Variants in ZNF341 observed in about 807,000 individuals in gnomAD.
ZNF341 encodes the protein zinc finger protein 341.
In ZNF341, 52 loss-of-function variants were observed where a neutral mutation model predicts 87.7. That is an observed-to-expected ratio of 0.59 (90% CI 0.47 to 0.75). ZNF341 has a LOEUF of 0.75. Among genes scored for constraint, ZNF341 ranks in the 30% least tolerant of loss-of-function variants. The pLI is 0.00. For synonymous variants in ZNF341, 459 were observed against 472.7 expected (o/e 0.97, Z 0.38); for missense variants, 977 against 1,145.9 (o/e 0.85, Z 2.13).
intron 7 of ZNF341, among the ~76,000 whole-genome samples, chr20:33,759,985 C>T (rs1489430629): frequency 6.6e-6 from 1 of 152,212 alleles, no homozygotes; most frequent in Non-Finnish European, 1.5e-5. Flanking sequence ...GCTAGTAGTA[C>T]TGCAGCTACA....
chr20:33,747,354 G>A (rs958145693), intron 3 of ZNF341, among the ~76,000 whole-genome samples: 3 of 136,362 alleles, frequency 2.2e-5, no homozygotes, highest in Admixed American at 6.9e-5. Flanking sequence ...GGTGGCTCAC[G>A]CCTGTAATCC....
chr20:33,750,121 T>A lies in ZNF341; in HGVS notation c.489+1049T>A, dbSNP rs567655104. 1.3e-4 allele frequency among the ~76,000 whole-genome samples: 20 copies of A among 151,524 alleles called. No homozygotes were observed. The East Asian group carries it at 2.9e-3, about 22-fold the overall frequency. ...AAATGCACAGTAGCTCCCTGGGATT[T>A]AAAAAAAAAATTTTTGTAGAGATGA... On this transcript the variant is annotated intron_variant, in intron 4 of 14. Transcript: ENST00000375200.
At chr20:33,776,912 G>C (rs1274361745) in intron 10 of ZNF341, among the ~76,000 whole-genome samples, 2 of 151,956 alleles carry the variant, frequency 1.3e-5, no homozygotes, top group African/African-American at 4.8e-5. Context: ...CTCCTGCCTG[G>C]CCTTCCCAAA....
At chr20:33,768,117 G>A (rs529729099) in intron 9 of ZNF341, among the ~76,000 whole-genome samples, 16 of 132,188 alleles carry the variant, frequency 1.2e-4, no homozygotes, top group African/African-American at 4.6e-4. Flanking sequence ...AAGGGAACCA[G>A]GATCAAGTGT....
chr20:33,762,165 C>T (rs1186855567), intron 8 of ZNF341, 110 bp downstream of exon 8: 3 of 926,324 alleles, frequency 3.2e-6, no homozygotes, highest in Non-Finnish European at 4.7e-6. Flanking sequence ...CTCTGGGCTT[C>T]AATCTACCTT....
intron 11 of ZNF341, among the ~76,000 whole-genome samples, chr20:33,782,798 C>T (rs2019770597): frequency 6.6e-6 from 1 of 152,218 alleles, no homozygotes; most frequent in African/African-American, 2.4e-5. Context: ...ACATGCCCTT[C>T]TTTTGCCTGG....
Position 33,745,269 on chromosome 20 carries a change from C to T in ZNF341, c.309C>T (p.Val103=), listed in dbSNP as rs764712444. 3 of 1,613,622 alleles carry T rather than the reference C, an allele frequency of 1.9e-6. No homozygotes were observed. The highest frequency in any genetic ancestry group is 2.2e-5 in the East Asian group (1 of 44,862). The change falls in exon 3 of 15, where the codon GTC becomes GTT. Residue 103 remains valine, a synonymous_variant. Coordinates refer to ENST00000375200, the MANE Select transcript of ZNF341 (RefSeq NM_001282933.2). ...IYPPSAAPTA[V]QQAPTPANRQ... is the part of the protein sequence containing the mutation. ...CACCTTCGGCAGCACCCACAGCGGT[C>T]CAGCAGGCCCCAACTCCTGCCAATC...
chr20:33,745,943 T>C (rs2018909776), intron 3 of ZNF341, among the ~76,000 whole-genome samples: 1 of 149,224 alleles, frequency 6.7e-6, no homozygotes, highest in South Asian at 2.1e-4. Flanking sequence ...TTTTTTTTTT[T>C]TTTTTGAGAC....
At position 33,766,857 on chromosome 20, in the gene ZNF341, G is replaced by A; in HGVS notation, c.1229G>A (p.Gly410Asp). 1.9e-6 allele frequency: 3 copies of A among 1,608,228 alleles called. No individual in the cohort carries two copies. Among genetic ancestry groups the A allele is most frequent in the Non-Finnish European group, 2.5e-6 (3 of 1,176,886 alleles). ...TCCCTGGCTTTCTCCACAGGGTTGG[G>A]CCAGCCCCTGCCGGGTGCGCCACAG... is the stretch of plus-strand genomic sequence containing the variant. Reference protein sequence around the residue: ...RQEDEESTGLGQPLPGAPQPQ... With the variant: ...RQEDEESTGLDQPLPGAPQPQ... Residue 410 changes from glycine to aspartate, a missense_variant, in exon 9 of 15, where the codon GGC becomes GAC. Around this residue, in one of 3 missense-constraint regions of ZNF341, gnomAD observed 515 missense variants for 598.2 expected, o/e 0.86. Transcript: ENST00000375200.
At chr20:33,767,375 T>C (rs1456960797) in intron 9 of ZNF341, among the ~76,000 whole-genome samples, 1 of 121,488 alleles carries the variant, frequency 8.2e-6, no homozygotes, top group Non-Finnish European at 1.7e-5. Flanking sequence ...CCTGGGATGG[T>C]GATCACTTCT....
intron 4 of ZNF341, among the ~76,000 whole-genome samples, chr20:33,752,803 C>T (rs1438281401): frequency 6.6e-6 from 1 of 152,014 alleles, no homozygotes; most frequent in African/African-American, 2.4e-5. Flanking sequence ...AGGCGCCCGC[C>T]ACCACGCCCG....
Position 33,791,241 on chromosome 20 carries a change from G to A in ZNF341, c.2289G>A (p.Val763=). ...GTTGCGGCAGTGGTGGGCGCAAGGT[G>A]CTGACCCCCTTGCCTGACCCGCTGG... is the stretch of plus-strand genomic sequence containing the variant. The part of the protein sequence containing the change: ...PRSCGSGGRK[V]LTPLPDPLGL... The change falls in exon 15 of 15, where the codon GTG becomes GTA. Residue 763 remains valine, a synonymous_variant. Coordinates refer to ENST00000375200, the MANE Select transcript of ZNF341 (RefSeq NM_001282933.2). 6.2e-7 allele frequency: 1 copy of A among 1,612,052 alleles called. No homozygotes were observed. The highest frequency in any genetic ancestry group is 8.5e-7 in the Non-Finnish European group (1 of 1,179,592).
chr20:33,758,940 C>A, intron 7 of ZNF341, 134 bp downstream of exon 7: 2 of 733,134 alleles, frequency 2.7e-6, no homozygotes, highest in South Asian at 1.7e-5. Context: ...AGGCTGTAGT[C>A]CAGGTCGGGT....
At chr20:33,758,941 C>A in intron 7 of ZNF341, 135 bp downstream of exon 7, 1 of 731,300 alleles carries the variant, frequency 1.4e-6, no homozygotes, top group Non-Finnish European at 2.3e-6. Context: ...GGCTGTAGTC[C>A]AGGTCGGGTG....
In ZNF341 at chr20:33,743,299, C is replaced by T. The variant is rs1264243278; in HGVS notation, c.143-1804C>T. On this transcript the variant is annotated intron_variant, in intron 2 of 14. Transcript: ENST00000375200. ...CCGCCTGCCTCAGCCTCACAAACTG[C>T]TGGGATTACAGGCGTGAGCCACCGC... Among the ~76,000 whole-genome samples the T allele has an allele frequency of 2.0e-5, 3 of 148,922 alleles. No homozygotes were observed. In the Admixed American group the frequency reaches 2.0e-4, roughly 10 times the overall value.
chr20:33,742,975 C>G (rs1167376118), intron 2 of ZNF341, among the ~76,000 whole-genome samples: 1 of 151,760 alleles, frequency 6.6e-6, no homozygotes, highest in East Asian at 1.9e-4. Context: ...TATGATCATG[C>G]CTGTGAATAG....
At chr20:33,790,197 A>G (rs1295813273) in intron 14 of ZNF341, among the ~76,000 whole-genome samples, 2 of 149,526 alleles carry the variant, frequency 1.3e-5, no homozygotes, top group Non-Finnish European at 3.0e-5. Flanking sequence ...TCAGCTTCCC[A>G]AGTAGTTGGG....
intron 14 of ZNF341, 148 bp from the exon 15 acceptor site, chr20:33,790,840 G>C (rs1300575878): frequency 2.1e-6 from 2 of 961,378 alleles, no homozygotes; most frequent in Non-Finnish European, 3.0e-6. Flanking sequence ...AGAGTGGCTG[G>C]AAGAAGGCAG....
rs1439121995 is a variant in ZNF341, at chr20:33,791,428, T to A, written c.2476T>A (p.Ser826Thr). Residue 826 changes from serine to threonine, a missense_variant, in exon 15 of 15, where the codon TCC (serine) becomes ACC (threonine). Ser to Thr is a moderately conservative substitution (Grantham distance 58). Coordinates refer to ENST00000375200, the MANE Select transcript of ZNF341 (RefSeq NM_001282933.2). ...VVPGHAEGLG[S>T]NLALAELQAG... The stretch of plus-strand genomic sequence containing the variant: ...ACCTGGACACGCTGAGGGGCTGGGC[T>A]CCAACCTGGCTCTGGCGGAGCTGCA... 6.2e-7 allele frequency: 1 copy of A among 1,611,176 alleles called. No individual in the cohort carries two copies. The highest frequency in any genetic ancestry group is 1.1e-5 in the South Asian group (1 of 90,972).
Sources: allele counts gnomAD v4.1 joint callset (sites outside exome capture counted in the v4.1 genomes callset), GRCh38; gene constraint gnomAD v4.1.1; regional missense constraint gnomAD v4.1.1; transcripts MANE v1.5; gene names NCBI Gene and HGNC (gene_info 2026-07-23, HGNC 2026-07-21).